Variants in CNTN6 observed in about 807,000 individuals in gnomAD.
CNTN6 encodes contactin 6, also known as contactin-6.
A neutral mutation model predicts 122.8 loss-of-function variants in CNTN6; 137 were observed. That is an observed-to-expected ratio of 1.12 (90% CI 0.97 to 1.29). The LOEUF (loss-of-function observed/expected upper bound fraction) is 1.29. CNTN6 is among the 50% of genes most tolerant of loss of function. CNTN6 has a pLI of 0.00. For missense variants in CNTN6, 1,634 were observed against 1,223.4 expected (o/e 1.34, Z -5.01); for synonymous variants, 570 against 426.0 (o/e 1.34, Z -4.16).
chr3:1,268,417 T>C (rs568042993), intron 4 of CNTN6, among the ~76,000 whole-genome samples: 58 of 151,976 alleles, frequency 3.8e-4, no homozygotes, highest in East Asian at 2.7e-3. Context: ...ACCATCCTGG[T>C]TAATGTGGTG....
At chr3:1,364,685 A>C (rs1707959371) in intron 12 of CNTN6, among the ~76,000 whole-genome samples, 2 of 152,100 alleles carry the variant, frequency 1.3e-5, no homozygotes, top group Non-Finnish European at 2.9e-5. Context: ...TAAAGAAATC[A>C]CAATAAATGG....
chr3:1,195,208 C>G (rs2093759117), intron 2 of CNTN6, among the ~76,000 whole-genome samples: 1 of 152,128 alleles, frequency 6.6e-6, no homozygotes, highest in Non-Finnish European at 1.5e-5. Flanking sequence ...ATGGAAACCT[C>G]TATACAGGCT....
chr3:1,338,178 A>C (rs1703355783), intron 11 of CNTN6, among the ~76,000 whole-genome samples: 2 of 152,316 alleles, frequency 1.3e-5, no homozygotes, highest in South Asian at 2.1e-4. Flanking sequence ...AAAACAAAGA[A>C]GTTTCACAAA....
chr3:1,291,493 G>T (rs1695317948), intron 5 of CNTN6, among the ~76,000 whole-genome samples: 1 of 152,162 alleles, frequency 6.6e-6, no homozygotes, highest in Admixed American at 6.5e-5. Context: ...GGTGACATTG[G>T]ATTTCAGAGA....
chr3:1,143,559 T>A (rs2092660591), intron 1 of CNTN6, among the ~76,000 whole-genome samples: 1 of 152,210 alleles, frequency 6.6e-6, no homozygotes, highest in Non-Finnish European at 1.5e-5. Flanking sequence ...GCAGAAATTT[T>A]ACTCACTGAA....
intron 12 of CNTN6, among the ~76,000 whole-genome samples, chr3:1,353,317 C>T (rs1705968929): frequency 6.6e-6 from 1 of 151,606 alleles, no homozygotes; most frequent in Non-Finnish European, 1.5e-5. Context: ...TAAATATATT[C>T]AATAAAAAGT....
intron 1 of CNTN6, among the ~76,000 whole-genome samples, chr3:1,144,896 A>T (rs1051142741): frequency 1.3e-5 from 2 of 152,122 alleles, no homozygotes; most frequent in Non-Finnish European, 2.9e-5. Flanking sequence ...GGACTGTTGG[A>T]GGTAGCTTGC....
intron 5 of CNTN6, among the ~76,000 whole-genome samples, chr3:1,280,459 A>ATT (rs71619483): frequency 0.041 from 2,737 of 66,398 alleles, 436 homozygotes; most frequent in African/African-American, 0.14. Context: ...TGTAATACCA[A>ATT]TTTTTTTTTT....
chr3:1,349,324 C>A (rs1705252435), intron 11 of CNTN6, among the ~76,000 whole-genome samples: 1 of 151,738 alleles, frequency 6.6e-6, no homozygotes, highest in Non-Finnish European at 1.5e-5. Flanking sequence ...ATGCAAATCT[C>A]TACTTTTATT....
chr3:1,277,419 G>A (rs1692605242), intron 4 of CNTN6, among the ~76,000 whole-genome samples: 1 of 124,032 alleles, frequency 8.1e-6, no homozygotes, highest in Non-Finnish European at 1.6e-5. Flanking sequence ...GAGTACAGTG[G>A]CGCAATCTCG....
chr3:1,233,961 A>C (rs1405668178), intron 4 of CNTN6, among the ~76,000 whole-genome samples: 2 of 152,074 alleles, frequency 1.3e-5, no homozygotes, highest in Non-Finnish European at 2.9e-5. Flanking sequence ...TGCAGTAAGA[A>C]TGCATTTTAA....
At chr3:1,376,482 C>T in intron 16 of CNTN6, among the ~76,000 whole-genome samples, 1 of 152,184 alleles carries the variant, frequency 6.6e-6, no homozygotes, top group Middle Eastern at 3.4e-3. Flanking sequence ...CCCTCTTCTT[C>T]TCTCCCGAGA....
intron 12 of CNTN6, among the ~76,000 whole-genome samples, chr3:1,366,928 A>G (rs1708316890): frequency 6.6e-6 from 1 of 151,974 alleles, no homozygotes; most frequent in Non-Finnish European, 1.5e-5. Context: ...AATACAGTCT[A>G]TTTTTCACAC....
intron 20 of CNTN6, among the ~76,000 whole-genome samples, chr3:1,400,690 G>C (rs1003427946): frequency 1.3e-5 from 2 of 152,100 alleles, no homozygotes; most frequent in Non-Finnish European, 2.9e-5. Flanking sequence ...TCAATCATCA[G>C]CTTTCTCAGG....
At chr3:1,107,170 G>A (rs543848816) in intron 1 of CNTN6, among the ~76,000 whole-genome samples, 1 of 152,116 alleles carries the variant, frequency 6.6e-6, no homozygotes, top group Admixed American at 6.6e-5. Flanking sequence ...CCATAGCCTA[G>A]TCAAGTTGAC....
intron 4 of CNTN6, among the ~76,000 whole-genome samples, chr3:1,258,068 C>A (rs892709638): frequency 6.6e-6 from 1 of 152,054 alleles, no homozygotes; most frequent in East Asian, 1.9e-4. Context: ...CAAATCAGTC[C>A]CCTCCAAGTT....
chr3:1,287,583 G>A (rs537704515), intron 5 of CNTN6, among the ~76,000 whole-genome samples: 7 of 152,162 alleles, frequency 4.6e-5, no homozygotes, highest in South Asian at 2.1e-4. Context: ...GATAAGAGTC[G>A]GTAGGACTGG....
intron 1 of CNTN6, among the ~76,000 whole-genome samples, chr3:1,095,654 C>T (rs1176233467): frequency 2.6e-5 from 4 of 152,128 alleles, no homozygotes; most frequent in African/African-American, 9.7e-5. Flanking sequence ...ACAGTTAAGA[C>T]CAAAAATTTT....
At chr3:1,232,737 A>T (rs912363942) in intron 4 of CNTN6, among the ~76,000 whole-genome samples, 2 of 152,220 alleles carry the variant, frequency 1.3e-5, no homozygotes, top group Non-Finnish European at 2.9e-5. Flanking sequence ...GTGAAGTGAG[A>T]AAGGTGAAAT....
Sources: allele counts gnomAD v4.1 joint callset (sites outside exome capture counted in the v4.1 genomes callset), GRCh38; gene constraint gnomAD v4.1.1; transcripts MANE v1.5; gene names NCBI Gene and HGNC (gene_info 2026-07-23, HGNC 2026-07-21).